CEP126: variants seen among roughly 807,000 people sequenced by gnomAD.
CEP126 encodes the protein centrosomal protein of 126 kDa.
A neutral mutation model predicts 107.8 loss-of-function variants in CEP126; 74 were observed. The observed-to-expected ratio is 0.69, with a 90% CI of 0.57 to 0.83. The LOEUF (loss-of-function observed/expected upper bound fraction) is 0.83, where lower values mean the gene tolerates loss of function less well. Among genes scored for constraint, CEP126 ranks in the 40% least tolerant of loss-of-function variants. CEP126 has a pLI of 0.00. For missense variants in CEP126, 1,237 were observed against 1,281.9 expected (o/e 0.96, Z 0.53); for synonymous variants, 449 against 446.0 (o/e 1.01, Z -0.08).
chr11:101,955,512 G>C (rs991690291), intron 4 of CEP126, among the ~76,000 whole-genome samples: 8 of 152,076 alleles, frequency 5.3e-5, no homozygotes, highest in Non-Finnish European at 1.2e-4. Flanking sequence ...AAACCAGATT[G>C]TCCAGCCCAT....
At chr11:101,922,366 C>T (rs766932400) in intron 1 of CEP126, among the ~76,000 whole-genome samples, 5 of 151,492 alleles carry the variant, frequency 3.3e-5, no homozygotes, top group Non-Finnish European at 7.4e-5. Flanking sequence ...GGTTTTGCCA[C>T]GTTGGCCAGC....
At chr11:101,954,061 C>T (rs1459056565) in intron 4 of CEP126, among the ~76,000 whole-genome samples, 1 of 151,616 alleles carries the variant, frequency 6.6e-6, no homozygotes, top group Admixed American at 6.6e-5. Flanking sequence ...GACAGTCTCA[C>T]TCTGTCTCCA....
At chr11:101,942,562 G>GT (rs1272778303) in intron 2 of CEP126, among the ~76,000 whole-genome samples, 55 of 115,342 alleles carry the variant, frequency 4.8e-4, no homozygotes, top group African/African-American at 1.5e-3. Context: ...CGTTTGGGGT[G>GT]GTTTTTTTTT....
In CEP126 at chr11:101,963,411, A is replaced by G. The variant is rs1941010396; in HGVS notation, c.2376A>G (p.Gln792=). ...QSASKVNIFT[Q]AQGKLIIPCP... is the part of the protein sequence containing the mutation. The stretch of plus-strand genomic sequence containing the variant: ...CAAGCAAAGTCAACATATTTACACA[A>G]GCTCAGGGAAAATTAATTATACCTT... Residue 792 remains glutamine (Q), a synonymous_variant, in exon 6 of 11, where the codon CAA becomes CAG. Coordinates refer to ENST00000263468, the MANE Select transcript of CEP126 (RefSeq NM_020802.4). 1.2e-6 allele frequency: 2 copies of G among 1,614,150 alleles called. No individual in the cohort carries two copies. The highest frequency in any genetic ancestry group is 1.7e-6 in the Non-Finnish European group (2 of 1,180,016).
At chr11:101,929,335 T>C (rs1940458605) in intron 2 of CEP126, among the ~76,000 whole-genome samples, 1 of 152,232 alleles carries the variant, frequency 6.6e-6, no homozygotes, top group Non-Finnish European at 1.5e-5. Flanking sequence ...CTGTGACTTA[T>C]TTAAACCTTA....
intron 7 of CEP126, among the ~76,000 whole-genome samples, chr11:101,981,479 G>C (rs1344318389): frequency 6.6e-6 from 1 of 152,022 alleles, no homozygotes; most frequent in Non-Finnish European, 1.5e-5. Flanking sequence ...ATTTTTAGTA[G>C]AGACAGGGCT....
rs536104819 is a variant in CEP126, at chr11:101,999,251, C to T, written c.*1608C>T. On this transcript the variant is annotated 3_prime_UTR_variant, in exon 11 of 11. Transcript: ENST00000263468. ...GGGGTAAACAGGCCAGAAGAGTGTG[C>T]CAAGTTGTTTGTGAATCATTCCAAG... 1 of 151,078 alleles carries T rather than the reference C, an allele frequency of 6.6e-6. No individual in the cohort carries two copies. Among genetic ancestry groups the T allele is most frequent in the South Asian group, 2.1e-4 (1 of 4,756 alleles). The allele number at this position is 151,078 out of a possible 1,614,324, so 9.4% of individuals were successfully genotyped here.
intron 2 of CEP126, among the ~76,000 whole-genome samples, chr11:101,927,131 G>A (rs1017370327): frequency 4.6e-5 from 7 of 152,036 alleles, no homozygotes; most frequent in East Asian, 1.9e-4. Context: ...GTGAAACCCC[G>A]TCTCTACTAA....
Position 101,963,246 on chromosome 11 carries a change from T to C in CEP126, c.2211T>C (p.Pro737=), listed in dbSNP as rs1941007296. The change falls in exon 6 of 11, where the codon CCT becomes CCC. Residue 737 remains proline, a synonymous_variant. Transcript: ENST00000263468. ...CAAAAAAAGAAGAAAGTAAAATCCC[T>C]GTACATGATGATTCTAAAACTAAGC... is the stretch of plus-strand genomic sequence containing the variant. ...PASKKEESKI[P]VHDDSKTKQG... The C allele has an allele frequency of 6.2e-7, 1 of 1,613,896 alleles. No homozygotes were observed. Among genetic ancestry groups the C allele is most frequent in the African/African-American group, 1.3e-5 (1 of 74,908 alleles).
chr11:101,961,462 A>C (rs377613725), intron 5 of CEP126, among the ~76,000 whole-genome samples: 2 of 152,090 alleles, frequency 1.3e-5, no homozygotes, highest in East Asian at 3.8e-4. Flanking sequence ...AGCAATAACA[A>C]AAATTTTTTT....
chr11:101,978,929 G>A (rs1472297649), intron 7 of CEP126, among the ~76,000 whole-genome samples: 1 of 152,128 alleles, frequency 6.6e-6, no homozygotes, highest in African/African-American at 2.4e-5. Context: ...AGGAGTTCAA[G>A]ACCAGCCTGA....
intron 2 of CEP126, among the ~76,000 whole-genome samples, chr11:101,933,814 A>G (rs1390222560): frequency 8.1e-6 from 1 of 122,840 alleles, no homozygotes; most frequent in African/African-American, 3.0e-5. Context: ...CACCCCCGAG[A>G]CCCCCCCCCC....
intron 2 of CEP126, among the ~76,000 whole-genome samples, chr11:101,924,493 T>G (rs183053561): frequency 6.6e-6 from 1 of 152,018 alleles, no homozygotes; most frequent in Non-Finnish European, 1.5e-5. Flanking sequence ...TGAGATGGAG[T>G]CTCACTCTGT....
intron 7 of CEP126, among the ~76,000 whole-genome samples, chr11:101,980,635 CTTG>C (rs1467854221): frequency 6.6e-6 from 1 of 152,026 alleles, no homozygotes; most frequent in Non-Finnish European, 1.5e-5. Context: ...ATTATTTTGA[CTTG>C]TTTTTGTTTT....
At chr11:101,940,935 G>A (rs1343268181) in intron 2 of CEP126, among the ~76,000 whole-genome samples, 2 of 152,152 alleles carry the variant, frequency 1.3e-5, no homozygotes, top group Admixed American at 6.5e-5. Context: ...TAAAGGGGAG[G>A]TGACTACATA....
intron 1 of CEP126, among the ~76,000 whole-genome samples, chr11:101,920,635 G>T (rs113971747): frequency 6.8e-6 from 1 of 147,102 alleles, no homozygotes. Context: ...ACAGAGTCTC[G>T]CTGTGTTGCC....
At chr11:101,923,094 A>C (rs1477502486) in intron 2 of CEP126, among the ~76,000 whole-genome samples, 1 of 152,126 alleles carries the variant, frequency 6.6e-6, no homozygotes, top group Non-Finnish European at 1.5e-5. Flanking sequence ...TAAAATTACC[A>C]ATTAATATTT....
At chr11:101,974,225 C>A (rs913560936) in intron 6 of CEP126, among the ~76,000 whole-genome samples, 4 of 152,120 alleles carry the variant, frequency 2.6e-5, no homozygotes, top group African/African-American at 9.7e-5. Context: ...TAGGCAGTAA[C>A]AAGCAGATCT....
At chr11:101,970,048 T>C (rs1291816427) in intron 6 of CEP126, among the ~76,000 whole-genome samples, 1 of 152,162 alleles carries the variant, frequency 6.6e-6, no homozygotes, top group Non-Finnish European at 1.5e-5. Flanking sequence ...AACAAACCAC[T>C]AAGGAGAAGA....
Sources: allele counts gnomAD v4.1 joint callset (sites outside exome capture counted in the v4.1 genomes callset), GRCh38; gene constraint gnomAD v4.1.1; transcripts MANE v1.5; gene names NCBI Gene and HGNC (gene_info 2026-07-23, HGNC 2026-07-21).